Variants in WDFY3 observed in about 807,000 individuals in gnomAD.
WDFY3 encodes the protein WD repeat and FYVE domain containing 3, also known as WD repeat and FYVE domain-containing protein 3.
A neutral mutation model predicts 409.6 loss-of-function variants in WDFY3; 66 were observed. The observed-to-expected ratio is 0.16, with a 90% CI of 0.13 to 0.20. The LOEUF (loss-of-function observed/expected upper bound fraction) is 0.20, where lower values mean the gene tolerates loss of function less well. Among genes scored for constraint, WDFY3 ranks in the 10% least tolerant of loss-of-function variants. WDFY3 has a pLI of 1.00. For synonymous variants in WDFY3, 1,521 were observed against 1,537.1 expected (o/e 0.99, Z 0.25); for missense variants, 3,031 against 4,298.1 (o/e 0.71, Z 8.24).
At chr4:84,775,943 A>G (rs1379157648) in intron 27 of WDFY3, among the ~76,000 whole-genome samples, 1 of 152,046 alleles carries the variant, frequency 6.6e-6, no homozygotes, top group Non-Finnish European at 1.5e-5. Flanking sequence ...TATTTCTGTA[A>G]TACAGAAATG....
chr4:84,797,557 CTTATTTATTTATTTAT>C (rs71670883), intron 18 of WDFY3, among the ~76,000 whole-genome samples: 4 of 145,638 alleles, frequency 2.7e-5, no homozygotes, highest in African/African-American at 7.6e-5. Flanking sequence ...CAACTCAATT[CTTATTTATTTATTTAT>C]TTATTTATTT....
Position 84,849,904 on chromosome 4 carries a change from G to A in WDFY3, c.302C>T (p.Thr101Ile). The A allele has an allele frequency of 1.2e-6, 2 of 1,611,462 alleles. No homozygotes were observed. The highest frequency in any genetic ancestry group is 1.7e-6 in the Non-Finnish European group (2 of 1,179,300). The change falls in exon 5 of 68, where the codon ACA becomes ATA. Residue 101 changes from threonine (T) to isoleucine (I), a missense_variant and splice_region_variant. Coordinates refer to ENST00000295888, the MANE Select transcript of WDFY3 (RefSeq NM_014991.6). ...EIRRRASNKS[T>I]EAASRAIVQF... ...TTTGCTGGCTACTGTAAAAATACCT[G>A]TGGATTTGTTTGATGCTCTCCTTCG...
At chr4:84,743,591 G>T in intron 37 of WDFY3, 109 bp downstream of exon 37, 1 of 690,302 alleles carries the variant, frequency 1.4e-6, no homozygotes, top group Middle Eastern at 3.2e-4. Context: ...AGTATGAGAA[G>T]CTAGACAAAA....
chr4:84,780,043 A>T, intron 26 of WDFY3, 65 bp downstream of exon 26: 1 of 1,442,756 alleles, frequency 6.9e-7, no homozygotes, highest in Non-Finnish European at 9.2e-7. Context: ...AACATGAATG[A>T]TAATAAAAAA....
At chr4:84,949,885 A>G (rs1222081432) in intron 1 of WDFY3, among the ~76,000 whole-genome samples, 2 of 152,230 alleles carry the variant, frequency 1.3e-5, no homozygotes, top group Admixed American at 1.3e-4. Context: ...TAGATAATAA[A>G]GAATTCTAAA....
intron 8 of WDFY3, among the ~76,000 whole-genome samples, chr4:84,831,185 C>CAAAA (rs56810528): frequency 9.7e-6 from 1 of 103,352 alleles, no homozygotes; most frequent in Non-Finnish European, 1.8e-5. Flanking sequence ...AGACTCCATC[C>CAAAA]AAAAAAAAAA....
At chr4:84,750,066 C>T (rs942819824) in intron 36 of WDFY3, among the ~76,000 whole-genome samples, 2 of 152,002 alleles carry the variant, frequency 1.3e-5, no homozygotes, top group Non-Finnish European at 2.9e-5. Flanking sequence ...ATGTATTTTC[C>T]TTTTTTGATC....
intron 23 of WDFY3, among the ~76,000 whole-genome samples, chr4:84,786,388 C>T (rs535878454): frequency 1.6e-4 from 25 of 152,068 alleles, no homozygotes; most frequent in Admixed American, 1.3e-3. Context: ...TATAGCACAA[C>T]GTAAAGGATG....
At chr4:84,779,677 G>T (rs1023259934) in intron 26 of WDFY3, among the ~76,000 whole-genome samples, 1 of 152,152 alleles carries the variant, frequency 6.6e-6, no homozygotes, top group East Asian at 1.9e-4. Flanking sequence ...AGATGGTGGG[G>T]TGTGAGGTGG....
chr4:84,875,614 A>G (rs1350086449), intron 3 of WDFY3, among the ~76,000 whole-genome samples: 4 of 152,260 alleles, frequency 2.6e-5, no homozygotes, highest in African/African-American at 4.8e-5. Flanking sequence ...GACTCTTAGA[A>G]TAACACGTAG....
In WDFY3 at chr4:84,789,632, AACAC is replaced by A. The variant is rs370993126; in HGVS notation, c.3669+90_3669+93del. 1,259 of 1,014,254 alleles carry A rather than the reference AACAC, an allele frequency of 1.2e-3. 8 individuals carry two copies. The African/African-American group carries it at 0.03, about 24-fold the overall frequency. The allele number at this position is 1,014,254 out of a possible 1,614,324, so 62.8% of individuals were successfully genotyped here. Reference sequence around the variant, plus strand: ...AAAGTAATTTTAAAAATATCCCTGTAACACACACACACACACACACACACACACA... The same window carrying A: ...AAAGTAATTTTAAAAATATCCCTGTAACACACACACACACACACACACACA... On this transcript the variant is annotated intron_variant, in intron 22 of 67. Coordinates refer to ENST00000295888, the MANE Select transcript of WDFY3 (RefSeq NM_014991.6).
rs1727495607 is a variant in WDFY3, at chr4:84,682,275, C to T, written c.9823+99G>A. ...CCATGCTTCTCCAAGCAGTGCCCAA[C>T]CTTGGGCTCCTCTTTATGTTGTTTG... is the stretch of plus-strand genomic sequence containing the variant. On this transcript the variant is annotated intron_variant, in intron 64 of 67. Transcript: ENST00000295888. The T allele has an allele frequency of 9.7e-6, 11 of 1,134,202 alleles. No individual in the cohort carries two copies. In the Admixed American group the frequency reaches 9.7e-5, roughly 10 times the overall value. 70.3% of individuals were successfully genotyped at this position (1,134,202 alleles called of 1,614,324 possible).
intron 1 of WDFY3, among the ~76,000 whole-genome samples, chr4:84,955,571 T>C (rs192677241): frequency 2.6e-5 from 4 of 152,308 alleles, no homozygotes; most frequent in Admixed American, 2.6e-4. Flanking sequence ...TAATAAAATA[T>C]AAATCAGTTA....
chr4:84,856,417 G>A (rs747206382), intron 4 of WDFY3, among the ~76,000 whole-genome samples: 13 of 152,126 alleles, frequency 8.5e-5, no homozygotes, highest in Non-Finnish European at 1.6e-4. Context: ...TTTTGAGTAA[G>A]TTTAAACCAA....
chr4:84,792,982 T>C (rs1462229354), intron 21 of WDFY3, among the ~76,000 whole-genome samples: 5 of 152,146 alleles, frequency 3.3e-5, no homozygotes, highest in African/African-American at 1.2e-4. Flanking sequence ...GAAGTCTAGA[T>C]AAGAGATGAA....
intron 21 of WDFY3, among the ~76,000 whole-genome samples, chr4:84,790,147 C>T (rs1578528584): frequency 6.6e-6 from 1 of 151,902 alleles, no homozygotes; most frequent in East Asian, 1.9e-4. Flanking sequence ...GTCAGGAGTT[C>T]GAGACCAGCC....
chr4:84,679,160 G>A lies in WDFY3; in HGVS notation c.9906C>T (p.Ser3302=), dbSNP rs1219380308. Residue 3302 remains serine, a synonymous_variant, in exon 65 of 68, where the codon AGC becomes AGT. Coordinates refer to ENST00000295888, the MANE Select transcript of WDFY3 (RefSeq NM_014991.6). The part of the protein sequence containing the change: ...SISQDPKDTP[S]QPSSTSHRPR... ...GCCTGTGGCTGGTGCTGCTGGGTTG[G>A]CTTGGAGTGTCCTTAGGGTCCTGGC... is the stretch of plus-strand genomic sequence containing the variant. The A allele has an allele frequency of 6.2e-7, 1 of 1,613,354 alleles. No individual in the cohort carries two copies. Among genetic ancestry groups the A allele is most frequent in the Admixed American group, 1.7e-5 (1 of 59,908 alleles).
intron 10 of WDFY3, among the ~76,000 whole-genome samples, chr4:84,824,821 C>T (rs1273575158): frequency 6.6e-6 from 1 of 152,098 alleles, no homozygotes; most frequent in South Asian, 2.1e-4. Flanking sequence ...CAGCTATTTC[C>T]TATGATCCTT....
At chr4:84,926,199 C>T (rs372948258) in intron 2 of WDFY3, among the ~76,000 whole-genome samples, 2 of 141,886 alleles carry the variant, frequency 1.4e-5, no homozygotes, top group Non-Finnish European at 1.5e-5. Context: ...AGTGAGACTC[C>T]GTCTCTAAAA....
Sources: allele counts gnomAD v4.1 joint callset (sites outside exome capture counted in the v4.1 genomes callset), GRCh38; gene constraint gnomAD v4.1.1; transcripts MANE v1.5; gene names NCBI Gene and HGNC (gene_info 2026-07-23, HGNC 2026-07-21).